The following KCNE1 variants were observed in gnomAD, a reference collection of about 807,000 sequenced individuals.
The protein encoded by KCNE1 is potassium voltage-gated channel subfamily E member 1.
Under a neutral mutation model 2.9 loss-of-function variants are expected in KCNE1, and 1 was observed. The ratio of observed to expected loss-of-function variants is 0.34; its 90% CI spans 0.12 to 1.62. The LOEUF (loss-of-function observed/expected upper bound fraction) is 1.62. Among genes scored for constraint, KCNE1 ranks in the 40% most tolerant of loss-of-function variants. The pLI, the probability that KCNE1 is intolerant of heterozygous loss-of-function variation, is 0.36. For synonymous variants in KCNE1, 23 were observed against 65.4 expected (o/e 0.35, Z 3.13); for missense variants, 45 against 150.5 (o/e 0.30, Z 3.67).
At chr21:34,506,686 G>T (rs1983508059) in intron 2 of KCNE1, among the ~76,000 whole-genome samples, 1 of 152,238 alleles carries the variant, frequency 6.6e-6, no homozygotes, top group African/African-American at 2.4e-5. Flanking sequence ...CAAGCATTCT[G>T]CTAGGTGCTG....
chr21:34,507,591 C>G (rs1027859375), intron 2 of KCNE1, among the ~76,000 whole-genome samples: 13 of 152,180 alleles, frequency 8.5e-5, no homozygotes, highest in Non-Finnish European at 2.9e-5. Flanking sequence ...TAAATGATGG[C>G]TGAGGGACGG....
In KCNE1 at chr21:34,505,659, C is replaced by T. The variant is rs528727405; in HGVS notation, c.-162+5442G>A. On this transcript the variant is annotated intron_variant, in intron 2 of 3. Transcript: ENST00000399286. ...GCTGACACAGGCTGCAAACAAATGT[C>T]CTCTCATCCTCACCGCAATCCCTAC... 2.6e-5 allele frequency among the ~76,000 whole-genome samples: 4 copies of T among 152,314 alleles called. No homozygotes were observed. In the South Asian group the frequency reaches 8.3e-4, roughly 32 times the overall value.
chr21:34,451,881 C>T (rs74490375), intron 3 of KCNE1, among the ~76,000 whole-genome samples: 1,366 of 61,742 alleles, frequency 0.022, 530 homozygotes, highest in Non-Finnish European at 0.031. Context: ...TCCCCAGGCT[C>T]CTTAAAGTTA....
At chr21:34,501,204 G>A (rs768715758) in intron 2 of KCNE1, among the ~76,000 whole-genome samples, 2 of 152,228 alleles carry the variant, frequency 1.3e-5, no homozygotes, top group Admixed American at 1.3e-4. Flanking sequence ...AGAGGGTTGA[G>A]GGACTCTACT....
intron 2 of KCNE1, among the ~76,000 whole-genome samples, chr21:34,497,640 A>G (rs371587238): frequency 5.9e-5 from 9 of 152,304 alleles, no homozygotes; most frequent in African/African-American, 2.2e-4. Flanking sequence ...GACTTTAGAT[A>G]ATCTGATGAC....
intron 2 of KCNE1, among the ~76,000 whole-genome samples, chr21:34,497,946 G>T (rs910955227): frequency 6.6e-6 from 1 of 151,798 alleles, no homozygotes; most frequent in Non-Finnish European, 1.5e-5. Flanking sequence ...GAGCTCTGAA[G>T]TTCTTTCGTC....
intron 2 of KCNE1, chr21:34,509,750 C>T (rs575381120): frequency 9.8e-5 from 15 of 152,448 alleles, no homozygotes; most frequent in African/African-American, 3.4e-4. Context: ...AGCCACCACG[C>T]CTGGCCCCTT....
chr21:34,505,957 A>G (rs1224810480), intron 2 of KCNE1, among the ~76,000 whole-genome samples: 3 of 152,356 alleles, frequency 2.0e-5, no homozygotes, highest in African/African-American at 7.2e-5. Context: ...CTCTGGGGGA[A>G]AAAGTTTTTT....
intron 2 of KCNE1, among the ~76,000 whole-genome samples, chr21:34,505,961 G>GT (rs1481279782): frequency 1.3e-5 from 2 of 152,192 alleles, no homozygotes. Flanking sequence ...GGGGGAAAAA[G>GT]TTTTTTAACT....
At chr21:34,511,067 T>G in intron 2 of KCNE1, 34 bp downstream of exon 2, 1 of 877,904 alleles carries the variant, frequency 1.1e-6, no homozygotes, top group Non-Finnish European at 1.4e-6. Flanking sequence ...GGTGCCTAAC[T>G]GAGGAAAGGG....
chr21:34,497,865 AT>A (rs1355528180), intron 2 of KCNE1, among the ~76,000 whole-genome samples: 2 of 151,958 alleles, frequency 1.3e-5, no homozygotes, highest in Non-Finnish European at 2.9e-5. Context: ...GGCTTTGTTC[AT>A]TTTTTAAATT....
At chr21:34,509,595 A>G (rs570219798) in intron 2 of KCNE1, 2 of 152,362 alleles carry the variant, frequency 1.3e-5, no homozygotes, top group Admixed American at 6.5e-5. Flanking sequence ...AGCTGGGACT[A>G]CAGGTGCCTG....
intron 2 of KCNE1, among the ~76,000 whole-genome samples, chr21:34,506,128 C>T (rs770722575): frequency 1.3e-5 from 2 of 152,198 alleles, no homozygotes; most frequent in Admixed American, 6.5e-5. Context: ...TGCTATTGTG[C>T]ATTCAGAATT....
At chr21:34,505,850 C>T (rs533096819) in intron 2 of KCNE1, among the ~76,000 whole-genome samples, 50 of 152,348 alleles carry the variant, frequency 3.3e-4, no homozygotes, top group Non-Finnish European at 4.4e-4. Flanking sequence ...GAAGACCTGG[C>T]GTGGGCCATC....
At chr21:34,509,420 G>A (rs1192076786) in intron 2 of KCNE1, 1 of 152,166 alleles carries the variant, frequency 6.6e-6, no homozygotes, top group African/African-American at 2.4e-5. Context: ...GATTGAGTCA[G>A]GCCCATCAGG....
Position 34,511,266 on chromosome 21 carries a change from C to A in KCNE1, c.-327G>T, listed in dbSNP as rs1253924160. Reference sequence around the variant, plus strand: ...CTCCTGGTTGAGCTCCAGGCCATGCCATTCAACGCCCTCCAGGACAGGCCG... The same window carrying A: ...CTCCTGGTTGAGCTCCAGGCCATGCAATTCAACGCCCTCCAGGACAGGCCG... On this transcript the variant is annotated 5_prime_UTR_variant, in exon 2 of 4. The change abolishes an upstream ATG in the 5' untranslated region. Transcript: ENST00000399286. 1 of 985,400 alleles carries A rather than the reference C, an allele frequency of 1.0e-6. No individual in the cohort carries two copies. The highest frequency in any genetic ancestry group is 1.2e-6 in the Non-Finnish European group (1 of 830,004). The allele number at this position is 985,400 out of a possible 1,614,324, so 61.0% of individuals were successfully genotyped here. A position where few individuals can be genotyped will look rare whatever the true frequency, so the allele number is the denominator to read the frequency against.
rs1422144679 is a variant in KCNE1, at chr21:34,496,420, A to G, written c.-162+14681T>C. On this transcript the variant is annotated intron_variant, in intron 2 of 3. Coordinates refer to ENST00000399286, the MANE Select transcript of KCNE1 (RefSeq NM_000219.6). ...TCTGTCTTGATTTCATGGTTGACCC[A>G]AAGGTCATTCAGGAGCAGATTACTT... Among the ~76,000 whole-genome samples, 3 of 152,226 alleles carry G rather than the reference A, an allele frequency of 2.0e-5. No individual in the cohort carries two copies. The East Asian group carries it at 5.8e-4, about 29-fold the overall frequency.
intron 2 of KCNE1, among the ~76,000 whole-genome samples, chr21:34,508,258 G>A (rs1983623737): frequency 6.6e-6 from 1 of 151,714 alleles, no homozygotes; most frequent in Non-Finnish European, 1.5e-5. Flanking sequence ...CAACTCCTGG[G>A]CTCAAGCAAT....
intron 2 of KCNE1, among the ~76,000 whole-genome samples, chr21:34,499,017 G>T (rs1157932976): frequency 6.6e-6 from 1 of 152,180 alleles, no homozygotes; most frequent in Non-Finnish European, 1.5e-5. Context: ...TCCATCATGT[G>T]GGGGCAGAGT....
Sources: allele counts gnomAD v4.1 joint callset (sites outside exome capture counted in the v4.1 genomes callset), GRCh38; gene constraint gnomAD v4.1.1; transcripts MANE v1.5; gene names NCBI Gene and HGNC (gene_info 2026-07-23, HGNC 2026-07-21).